The following EYS variants were observed in gnomAD, a reference collection of about 807,000 sequenced individuals.
EYS encodes EGF-like photoreceptor maintenance factor, also known as protein eyes shut homolog.
Under a neutral mutation model 282.1 loss-of-function variants are expected in EYS, and 250 were observed. The observed-to-expected ratio is 0.89, with a 90% CI of 0.80 to 0.98. The LOEUF (loss-of-function observed/expected upper bound fraction) is 0.98, where lower values mean the gene tolerates loss of function less well. EYS is among the 50% of genes least tolerant of loss of function. The pLI, the probability that EYS is intolerant of heterozygous loss-of-function variation, is 0.00. For missense variants in EYS, 4,016 were observed against 3,709.0 expected (o/e 1.08, Z -2.15); for synonymous variants, 1,355 against 1,282.9 (o/e 1.06, Z -1.20).
At chr6:64,928,126 A>C (rs368312229) in intron 15 of EYS, among the ~76,000 whole-genome samples, 5 of 152,104 alleles carry the variant, frequency 3.3e-5, no homozygotes, top group African/African-American at 1.2e-4. Flanking sequence ...AAAAATGTCC[A>C]AAAGCTATTG....
chr6:64,577,171 A>G (rs1765908648), intron 26 of EYS, among the ~76,000 whole-genome samples: 1 of 152,076 alleles, frequency 6.6e-6, no homozygotes, highest in Non-Finnish European at 1.5e-5. Context: ...GTACAGCTAG[A>G]CTCCAGAATT....
chr6:64,367,018 A>C (rs538181701), intron 29 of EYS, among the ~76,000 whole-genome samples: 1 of 152,212 alleles, frequency 6.6e-6, no homozygotes, highest in African/African-American at 2.4e-5. Flanking sequence ...TTCTTGCTTA[A>C]AAATAGAAAA....
At chr6:63,936,502 G>T (rs1232213109) in intron 35 of EYS, among the ~76,000 whole-genome samples, 1 of 152,154 alleles carries the variant, frequency 6.6e-6, no homozygotes, top group East Asian at 1.9e-4. Flanking sequence ...ACTGTGCATA[G>T]TCTGTTTCCA....
At chr6:64,824,295 A>C (rs78049808) in intron 19 of EYS, among the ~76,000 whole-genome samples, 1,794 of 152,046 alleles carry the variant, frequency 0.012, 38 homozygotes, top group African/African-American at 0.04. Context: ...TGTTTCTCCC[A>C]CAGGAAAGGG....
chr6:65,342,255 G>T (rs561897168), intron 10 of EYS, among the ~76,000 whole-genome samples: 3 of 150,890 alleles, frequency 2.0e-5, no homozygotes, highest in African/African-American at 7.3e-5. Flanking sequence ...AACTTTAAGA[G>T]AAATATTCTA....
At chr6:64,866,040 A>T (rs776861497) in intron 19 of EYS, among the ~76,000 whole-genome samples, 6 of 152,060 alleles carry the variant, frequency 3.9e-5, no homozygotes, top group Non-Finnish European at 7.4e-5. Flanking sequence ...GTAAAAGATT[A>T]TGATTTATTA....
At chr6:64,651,247 A>C (rs1369268426) in intron 22 of EYS, among the ~76,000 whole-genome samples, 4 of 152,180 alleles carry the variant, frequency 2.6e-5, no homozygotes, top group Admixed American at 6.5e-5. Context: ...AAAAAGACTA[A>C]ATAGTTGCCA....
Position 63,903,466 on chromosome 6 carries a change from G to C in EYS, c.7056-39108C>G, listed in dbSNP as rs184883047. 1.1e-4 allele frequency among the ~76,000 whole-genome samples: 16 copies of C among 152,264 alleles called. No individual in the cohort carries two copies. In the East Asian group the frequency reaches 2.5e-3, roughly 24 times the overall value. On this transcript the variant is annotated intron_variant, in intron 35 of 42. Coordinates refer to ENST00000503581, the MANE Select transcript of EYS (RefSeq NM_001142800.2). ...GGAATATAGACTGAAATGGCACTTA[G>C]GTACTTAACTTCATTGTTTCTCTAG...
At chr6:65,274,474 T>C (rs909832906) in intron 12 of EYS, among the ~76,000 whole-genome samples, 1 of 152,184 alleles carries the variant, frequency 6.6e-6, no homozygotes, top group Admixed American at 6.5e-5. Context: ...CATCTCCTTG[T>C]CCCTAGTATA....
chr6:65,135,737 G>A (rs933980240), intron 12 of EYS, among the ~76,000 whole-genome samples: 9 of 151,590 alleles, frequency 5.9e-5, no homozygotes, highest in African/African-American at 7.3e-5. Context: ...TTGTGATTTC[G>A]TTTGATATGG....
In EYS at chr6:64,912,700, C is replaced by T. The variant is rs951544417; in HGVS notation, c.2425G>A (p.Glu809Lys). ...GGATCAGAGTCGCATTCATTTATTT[C>T]TTCACTACAGTTCTGTCCAGTCCAT... ...SGWTGQNCSE[E>K]INECDSDPCM... is the part of the protein sequence containing the mutation. Residue 809 changes from glutamate (E) to lysine (K), a missense_variant, in exon 16 of 43, where the codon GAA (glutamate) becomes AAA (lysine). Glu to Lys is a moderately conservative substitution (Grantham distance 56, BLOSUM62 1). Transcript: ENST00000503581. 4.6e-6 allele frequency: 7 copies of T among 1,515,668 alleles called. No individual in the cohort carries two copies. The African/African-American group carries it at 6.9e-5, about 15-fold the overall frequency. 93.9% of individuals were successfully genotyped at this position (1,515,668 alleles called of 1,614,324 possible).
chr6:63,782,504 T>A (rs1440693485), intron 39 of EYS, among the ~76,000 whole-genome samples: 2 of 152,260 alleles, frequency 1.3e-5, no homozygotes, highest in African/African-American at 2.4e-5. Flanking sequence ...CAGGAATTTA[T>A]CCATTTCTTC....
At chr6:65,101,815 C>T (rs1177327437) in intron 12 of EYS, among the ~76,000 whole-genome samples, 2 of 151,138 alleles carry the variant, frequency 1.3e-5, no homozygotes, top group Non-Finnish European at 3.0e-5. Context: ...GTCAGCTTTT[C>T]ATTTACAGCC....
At chr6:63,952,685 G>C (rs1765651067) in intron 35 of EYS, among the ~76,000 whole-genome samples, 1 of 152,016 alleles carries the variant, frequency 6.6e-6, no homozygotes, top group Non-Finnish European at 1.5e-5. Flanking sequence ...ACTATTCCTA[G>C]GCTACAGCCA....
chr6:64,125,556 C>T (rs1039349415), intron 31 of EYS, among the ~76,000 whole-genome samples: 1 of 151,736 alleles, frequency 6.6e-6, no homozygotes. Context: ...GAGGCTGAGG[C>T]GGGCGGATCG....
At chr6:63,838,916 T>C (rs553585702) in intron 36 of EYS, among the ~76,000 whole-genome samples, 1 of 152,270 alleles carries the variant, frequency 6.6e-6, no homozygotes, top group Non-Finnish European at 1.5e-5. Context: ...TACCCAATTT[T>C]TTCTTTTATT....
chr6:65,688,819 A>G (rs1365509723), intron 1 of EYS, among the ~76,000 whole-genome samples: 2 of 151,670 alleles, frequency 1.3e-5, no homozygotes, highest in African/African-American at 2.4e-5. Context: ...CAAAACCACA[A>G]TGAGATACCA....
intron 30 of EYS, among the ~76,000 whole-genome samples, chr6:64,256,924 C>G (rs1229242358): frequency 6.6e-6 from 1 of 152,028 alleles, no homozygotes; most frequent in East Asian, 1.9e-4. Context: ...TGGTAATTCC[C>G]AATGCTATTT....
intron 5 of EYS, 72 bp downstream of exon 5, chr6:65,490,522 C>A: frequency 1.2e-6 from 1 of 837,950 alleles, no homozygotes; most frequent in Non-Finnish European, 2.0e-6. Flanking sequence ...AAATATTTCA[C>A]ATTTAATTTG....
Sources: gnomAD v4.1 joint callset for allele counts (sites outside exome capture counted in the v4.1 genomes callset) on GRCh38, gnomAD v4.1.1 for gene constraint, MANE v1.5 for transcripts, NCBI Gene and HGNC (gene_info 2026-07-23, HGNC 2026-07-21) for gene names.